The following PARD3B variants were observed in gnomAD, a reference collection of about 807,000 sequenced individuals.
PARD3B encodes partitioning defective 3 homolog B.
A neutral mutation model predicts 130.2 loss-of-function variants in PARD3B; 103 were observed. The ratio of observed to expected loss-of-function variants is 0.79; its 90% CI spans 0.67 to 0.93. PARD3B has a LOEUF of 0.93. PARD3B is among the 40% of genes least tolerant of loss of function. The pLI is 0.00. For missense variants in PARD3B, 1,609 were observed against 1,499.2 expected (o/e 1.07, Z -1.21); for synonymous variants, 583 against 553.2 (o/e 1.05, Z -0.76).
intron 21 of PARD3B, among the ~76,000 whole-genome samples, chr2:205,546,228 T>C (rs1015433750): frequency 2.6e-5 from 4 of 152,132 alleles, no homozygotes; most frequent in African/African-American, 9.7e-5. Context: ...GCGCTTTAAA[T>C]TGTTTTGAAT....
chr2:205,026,805 C>T (rs944621669), intron 3 of PARD3B, among the ~76,000 whole-genome samples: 5 of 152,120 alleles, frequency 3.3e-5, no homozygotes, highest in Non-Finnish European at 5.9e-5. Flanking sequence ...TGGCTTATTT[C>T]GCTTAGCATA....
At chr2:205,462,012 A>G (rs531400663) in intron 20 of PARD3B, among the ~76,000 whole-genome samples, 1 of 152,242 alleles carries the variant, frequency 6.6e-6, no homozygotes, top group Non-Finnish European at 1.5e-5. Context: ...GACTTACCTT[A>G]TACATCTGTG....
At chr2:205,224,933 T>TA (rs2125881076) in intron 15 of PARD3B, among the ~76,000 whole-genome samples, 1 of 152,270 alleles carries the variant, frequency 6.6e-6, no homozygotes, top group South Asian at 2.1e-4. Context: ...TCCTATTTTT[T>TA]ATTATACTTT....
At chr2:205,129,887 C>T (rs1327346458) in intron 10 of PARD3B, among the ~76,000 whole-genome samples, 1 of 152,160 alleles carries the variant, frequency 6.6e-6, no homozygotes, top group Non-Finnish European at 1.5e-5. Context: ...GTCATTTCTC[C>T]TGACCTGCCA....
chr2:205,467,290 GA>G (rs2048661562), intron 20 of PARD3B, among the ~76,000 whole-genome samples: 2 of 152,108 alleles, frequency 1.3e-5, no homozygotes, highest in Non-Finnish European at 2.9e-5. Context: ...TTAATTCTGT[GA>G]AATGCCATTG....
intron 1 of PARD3B, among the ~76,000 whole-genome samples, chr2:204,566,972 A>G (rs1383424016): frequency 8.7e-5 from 13 of 150,286 alleles, no homozygotes; most frequent in South Asian, 2.1e-4. Context: ...TCCGCCTCCC[A>G]GGTTCAAGTG....
At chr2:205,548,936 T>G (rs1188477921) in intron 21 of PARD3B, among the ~76,000 whole-genome samples, 1 of 151,520 alleles carries the variant, frequency 6.6e-6, no homozygotes, top group African/African-American at 2.4e-5. Flanking sequence ...ACAACCTAAA[T>G]AAAAAAATGG....
chr2:204,756,471 A>G (rs2040679478), intron 2 of PARD3B, among the ~76,000 whole-genome samples: 1 of 152,194 alleles, frequency 6.6e-6, no homozygotes, highest in South Asian at 2.1e-4. Flanking sequence ...AAATAAATCG[A>G]ATAGCTTATG....
intron 1 of PARD3B, among the ~76,000 whole-genome samples, chr2:204,581,578 A>C (rs2032561216): frequency 6.6e-6 from 1 of 152,150 alleles, no homozygotes; most frequent in African/African-American, 2.4e-5. Flanking sequence ...GAATGGCAGA[A>C]GTGCCAGGGT....
intron 2 of PARD3B, among the ~76,000 whole-genome samples, chr2:204,963,169 C>G (rs1023366081): frequency 2.0e-5 from 3 of 152,112 alleles, no homozygotes; most frequent in African/African-American, 7.2e-5. Flanking sequence ...TAGTCAGTGA[C>G]CTTGGGAAAC....
chr2:205,158,605 C>G lies in PARD3B; in HGVS notation c.1435-117C>G, dbSNP rs1418082924. 4.8e-6 allele frequency: 5 copies of G among 1,052,044 alleles called. No homozygotes were observed. In the African/African-American group the frequency reaches 8.0e-5, roughly 17 times the overall value. The allele number at this position is 1,052,044 out of a possible 1,614,324, so 65.2% of individuals were successfully genotyped here. On this transcript the variant is annotated intron_variant, in intron 10 of 22. Transcript: ENST00000406610. This position sits in a 1 kb window ranked among gnomAD's most constrained non-coding sequence, Gnocchi z 5.4. ...TTTGCCTGCCAGGAGCCGATTACAG[C>G]TGTGAGAGGTCCAGTCATCCTGTCC...
chr2:205,118,795 C>T, intron 6 of PARD3B, 126 bp from the exon 7 acceptor site: 1 of 723,402 alleles, frequency 1.4e-6, no homozygotes, highest in African/African-American at 1.9e-5. Flanking sequence ...CAAACAGTTG[C>T]CTGAATATAA....
Position 205,113,393 on chromosome 2 carries a change from GGTGT to G in PARD3B, c.594-71_594-68del, listed in dbSNP as rs3217407. 1.7e-4 allele frequency: 98 copies of G among 571,584 alleles called. No homozygotes were observed. The African/African-American group carries it at 1.9e-3, about 11-fold the overall frequency. The allele number at this position is 571,584 out of a possible 1,614,324, so 35.4% of individuals were successfully genotyped here. A position where few individuals can be genotyped will look rare whatever the true frequency, so the allele number is the denominator to read the frequency against. Reference sequence around the variant, plus strand: ...ATTAGTTGATATAATCCTGAGCAGGGGTGTGTGTGTGTGTGTGTGTGTGTGTGTG... The same window carrying G: ...ATTAGTTGATATAATCCTGAGCAGGGGTGTGTGTGTGTGTGTGTGTGTGTG... On this transcript the variant is annotated intron_variant, in intron 5 of 22. Transcript: ENST00000406610.
chr2:205,325,526 T>G lies in PARD3B; in HGVS notation c.2630+23825T>G, dbSNP rs74938847. Among the ~76,000 whole-genome samples the G allele has an allele frequency of 4.8e-4, 73 of 150,638 alleles. No individual in the cohort carries two copies. The highest frequency in any genetic ancestry group is 1.8e-3 in the African/African-American group (72 of 41,010). Reference sequence around the variant, plus strand: ...TTTACTAATATCATCTCATTGTTTATTAGTAGTAGTAGTAGTAGTAGTCTC... The same window carrying G: ...TTTACTAATATCATCTCATTGTTTAGTAGTAGTAGTAGTAGTAGTAGTCTC... On this transcript the variant is annotated intron_variant, in intron 18 of 22. Transcript: ENST00000406610. This position sits in a 1 kb window ranked among gnomAD's most constrained non-coding sequence, Gnocchi z 4.1.
At chr2:204,815,958 G>A (rs1006646123) in intron 2 of PARD3B, among the ~76,000 whole-genome samples, 3 of 152,014 alleles carry the variant, frequency 2.0e-5, no homozygotes, top group African/African-American at 4.8e-5. Flanking sequence ...ATACCAATTC[G>A]GTTACATTGG....
chr2:204,987,357 G>A (rs1693250972), intron 3 of PARD3B, among the ~76,000 whole-genome samples: 1 of 152,166 alleles, frequency 6.6e-6, no homozygotes, highest in Non-Finnish European at 1.5e-5. Context: ...TGAAAATATT[G>A]CCAGAATAGA....
At chr2:204,885,466 A>C (rs962145233) in intron 2 of PARD3B, among the ~76,000 whole-genome samples, 1 of 152,146 alleles carries the variant, frequency 6.6e-6, no homozygotes, top group African/African-American at 2.4e-5. Flanking sequence ...AATAAGACAA[A>C]TTGTATGTCA....
intron 2 of PARD3B, among the ~76,000 whole-genome samples, chr2:204,958,460 T>C (rs1027935214): frequency 1.3e-5 from 2 of 152,206 alleles, no homozygotes; most frequent in African/African-American, 2.4e-5. Context: ...GGGTTGTGTG[T>C]TCTTGTATGA....
intron 4 of PARD3B, among the ~76,000 whole-genome samples, chr2:205,090,788 G>T (rs1215551487): frequency 2.6e-5 from 4 of 152,200 alleles, no homozygotes; most frequent in African/African-American, 4.8e-5. Context: ...AGTGGAGAGA[G>T]ACGGGCAGTG....
Sources: allele counts gnomAD v4.1 joint callset (sites outside exome capture counted in the v4.1 genomes callset), GRCh38; gene constraint gnomAD v4.1.1; non-coding constraint Gnocchi (gnomAD v3.1); transcripts MANE v1.5; gene names NCBI Gene and HGNC (gene_info 2026-07-23, HGNC 2026-07-21).